Variants in AFDN observed in about 807,000 individuals in gnomAD.
AFDN encodes the protein afadin, adherens junction formation factor.
Under a neutral mutation model 216.6 loss-of-function variants are expected in AFDN, and 68 were observed. The ratio of observed to expected loss-of-function variants is 0.31; its 90% CI spans 0.26 to 0.38. The LOEUF (loss-of-function observed/expected upper bound fraction) is 0.38. Ranked by LOEUF, AFDN falls within the 10% of genes least tolerant of loss-of-function variation. AFDN has a pLI of 1.00. For missense variants in AFDN, 2,136 were observed against 2,342.0 expected (o/e 0.91, Z 1.82); for synonymous variants, 868 against 853.7 (o/e 1.02, Z -0.29).
chr6:167,950,392 C>CTG (rs201112836), intron 29 of AFDN, among the ~76,000 whole-genome samples: 137 of 139,372 alleles, frequency 9.8e-4, no homozygotes, highest in Middle Eastern at 7.4e-3. Flanking sequence ...TCATTTTTCT[C>CTG]TGTGTCTGTG....
At chr6:167,963,327 G>C (rs933978081) in intron 31 of AFDN, 1 of 1,061,224 alleles carries the variant, frequency 9.4e-7, no homozygotes, top group African/African-American at 1.6e-5. Flanking sequence ...ACTGCGTGTT[G>C]CTCTGTGTGG....
chr6:167,894,336 A>G (rs1056426423), intron 9 of AFDN, among the ~76,000 whole-genome samples: 3 of 152,200 alleles, frequency 2.0e-5, no homozygotes, highest in East Asian at 1.9e-4. Flanking sequence ...CTGCTCTTCA[A>G]GGTGCTCCAG....
chr6:167,926,546 C>T (rs2128523676), intron 23 of AFDN, among the ~76,000 whole-genome samples: 1 of 152,338 alleles, frequency 6.6e-6, no homozygotes. Flanking sequence ...ATCCTCCGGC[C>T]TCAGCCTCCC....
chr6:167,869,632 G>C (rs572254566), intron 2 of AFDN, among the ~76,000 whole-genome samples: 12 of 152,282 alleles, frequency 7.9e-5, no homozygotes, highest in African/African-American at 2.9e-4. Flanking sequence ...GTAGGAGCAG[G>C]TCCATCCTTC....
intron 12 of AFDN, among the ~76,000 whole-genome samples, chr6:167,903,979 C>T (rs538702100): frequency 4.6e-5 from 7 of 152,288 alleles, no homozygotes; most frequent in Admixed American, 4.6e-4. Context: ...TCCTATAAAC[C>T]ACCTAGTAGT....
At chr6:167,898,171 G>C (rs746316987) in intron 10 of AFDN, 34 bp from the exon 11 acceptor site, 11 of 1,608,980 alleles carry the variant, frequency 6.8e-6, no homozygotes. Context: ...TGAACTTCAT[G>C]ATGGGAGTTT....
intron 22 of AFDN, 120 bp from the exon 23 acceptor site, chr6:167,924,885 T>A: frequency 1.3e-6 from 1 of 787,792 alleles, no homozygotes; most frequent in South Asian, 1.4e-5. Flanking sequence ...GTTTATCTTC[T>A]CATCCTTTTT....
intron 11 of AFDN, 65 bp downstream of exon 11, chr6:167,898,532 T>G (rs1261553765): frequency 6.9e-7 from 1 of 1,445,828 alleles, no homozygotes; most frequent in African/African-American, 1.4e-5. Flanking sequence ...AGATTATTCA[T>G]AGATATCTTG....
intron 2 of AFDN, among the ~76,000 whole-genome samples, chr6:167,868,807 G>A (rs1784480427): frequency 7.5e-6 from 1 of 134,222 alleles, no homozygotes; most frequent in South Asian, 2.4e-4. Flanking sequence ...TTGTCACCCA[G>A]AGTGGAGTGC....
At chr6:167,921,231 G>A (rs1227260227) in intron 21 of AFDN, among the ~76,000 whole-genome samples, 1 of 152,254 alleles carries the variant, frequency 6.6e-6, no homozygotes, top group Non-Finnish European at 1.5e-5. Context: ...TCCTCACCAA[G>A]TTGGAAATAG....
At chr6:167,953,627 C>CTATTATTTATTTATTAT (rs1796221820) in intron 30 of AFDN, among the ~76,000 whole-genome samples, 1 of 152,134 alleles carries the variant, frequency 6.6e-6, no homozygotes, top group Non-Finnish European at 1.5e-5. Context: ...ATTTGAAAAA[C>CTATTATTTATTTATTAT]CAACCACTAC....
rs201706831 is a variant in AFDN at position 167,907,241 on chromosome 6, C to T, written c.1721C>T (p.Pro574Leu). 3.6e-4 allele frequency: 580 copies of T among 1,613,954 alleles called. No individual in the cohort carries two copies. Among genetic ancestry groups the T allele is most frequent in the East Asian group, 7.1e-4 (32 of 44,872 alleles). ...SSTAERGMVK[P>L]MIRVEQQPDY... The stretch of plus-strand genomic sequence containing the variant: ...ACAGCCGAGCGGGGAATGGTGAAGC[C>T]GATGATCAGAGTAGAACAGCAGCCA... The change falls in exon 13 of 34, where the codon CCG becomes CTG. Residue 574 changes from proline to leucine, a missense_variant. By Grantham distance (98) the Pro-to-Leu change is moderately conservative (BLOSUM62 -3). Transcript: ENST00000683244.
intron 5 of AFDN, among the ~76,000 whole-genome samples, chr6:167,877,529 A>G (rs572777430): frequency 6.0e-4 from 92 of 152,288 alleles, no homozygotes; most frequent in Non-Finnish European, 1.0e-3. Context: ...TTGGGGGTAG[A>G]AGGAGCATTT....
At chr6:167,854,753 A>T (rs1307549397) in intron 1 of AFDN, among the ~76,000 whole-genome samples, 1 of 151,014 alleles carries the variant, frequency 6.6e-6, no homozygotes, top group Non-Finnish European at 1.5e-5. Context: ...GTGGTGTTTT[A>T]AATAGAGATT....
intron 23 of AFDN, among the ~76,000 whole-genome samples, chr6:167,927,690 A>G (rs1310211640): frequency 6.6e-6 from 1 of 152,156 alleles, no homozygotes; most frequent in Non-Finnish European, 1.5e-5. Context: ...TGTGGGGTTC[A>G]CCTGTGCAGG....
At chr6:167,859,022 T>C (rs1343259957) in intron 1 of AFDN, among the ~76,000 whole-genome samples, 1 of 151,190 alleles carries the variant, frequency 6.6e-6, no homozygotes, top group East Asian at 1.9e-4. Context: ...TGGGAATGAA[T>C]ACAGTGGAAA....
At chr6:167,964,008 G>GGGGGCAGCTGGGTTGTC (rs1562351838) in intron 31 of AFDN, 1 of 1,064,262 alleles carries the variant, frequency 9.4e-7, no homozygotes, top group East Asian at 5.0e-5. Context: ...GAGCCTCGGC[G>GGGGGCAGCTGGGTTGTC]GGGGCAGCTG....
intron 23 of AFDN, among the ~76,000 whole-genome samples, chr6:167,938,166 C>G (rs975414409): frequency 6.6e-6 from 1 of 152,122 alleles, no homozygotes; most frequent in East Asian, 1.9e-4. Flanking sequence ...GCAGGTGAGC[C>G]TCGGAGGTGA....
chr6:167,964,702 A>G, intron 31 of AFDN: 1 of 1,065,280 alleles, frequency 9.4e-7, no homozygotes, highest in Non-Finnish European at 1.1e-6. Context: ...GATGAAATTG[A>G]AAACAGGGAC....
Sources: allele counts gnomAD v4.1 joint callset (sites outside exome capture counted in the v4.1 genomes callset), GRCh38; gene constraint gnomAD v4.1.1; transcripts MANE v1.5; gene names NCBI Gene and HGNC (gene_info 2026-07-23, HGNC 2026-07-21).